SIL1: variants seen among roughly 807,000 people sequenced by gnomAD.
SIL1 encodes nucleotide exchange factor SIL1.
A neutral mutation model predicts 49.1 loss-of-function variants in SIL1; 40 were observed. The ratio of observed to expected loss-of-function variants is 0.81; its 90% CI spans 0.63 to 1.06. The LOEUF (loss-of-function observed/expected upper bound fraction) is 1.06, where lower values mean the gene tolerates loss of function less well. Ranked by LOEUF, SIL1 falls within the 50% of genes least tolerant of loss-of-function variation. The probability of loss-of-function intolerance (pLI) is 0.00; values close to 1 mark genes in which losing one functional copy is unlikely to be tolerated. For missense variants in SIL1, 500 were observed against 572.6 expected, an observed-to-expected ratio of 0.87 and a Z score of 1.29; for synonymous variants, 253 against 250.8, an observed-to-expected ratio of 1.01 and a Z score of -0.08.
chr5:138,996,475 GTC>G (rs989548702), intron 7 of SIL1, among the ~76,000 whole-genome samples: 7 of 142,582 alleles, frequency 4.9e-5, no homozygotes, highest in African/African-American at 1.0e-4. Flanking sequence ...TCTGTGGGTT[GTC>G]TCTCCACTTT....
At chr5:139,162,136 T>A (rs993681236) in intron 1 of SIL1, among the ~76,000 whole-genome samples, 1 of 152,146 alleles carries the variant, frequency 6.6e-6, no homozygotes, top group African/African-American at 2.4e-5. Context: ...ACAGTTACAC[T>A]GGCCAATATT....
chr5:139,016,670 G>C (rs17131906), intron 7 of SIL1, among the ~76,000 whole-genome samples: 9,298 of 152,174 alleles, frequency 0.061, 386 homozygotes, highest in South Asian at 0.13. Flanking sequence ...CCTAAGGAAA[G>C]TGGCAGCCAA....
At chr5:139,082,170 C>T (rs1049259168) in intron 3 of SIL1, among the ~76,000 whole-genome samples, 12 of 152,156 alleles carry the variant, frequency 7.9e-5, no homozygotes, top group Admixed American at 5.9e-4. Flanking sequence ...TAGTACAATT[C>T]GACAAATGTT....
At chr5:139,138,627 C>T (rs1319112773) in intron 1 of SIL1, among the ~76,000 whole-genome samples, 2 of 152,188 alleles carry the variant, frequency 1.3e-5, no homozygotes, top group Non-Finnish European at 2.9e-5. Flanking sequence ...CTACAAGTTT[C>T]AACCCCTTCA....
chr5:139,105,235 C>T (rs947192156), intron 3 of SIL1, among the ~76,000 whole-genome samples: 3 of 152,098 alleles, frequency 2.0e-5, no homozygotes, highest in South Asian at 2.1e-4. Flanking sequence ...AGGTGGTGGT[C>T]GGCAACTGGA....
chr5:139,095,358 G>T (rs1046526322), intron 3 of SIL1, among the ~76,000 whole-genome samples: 1 of 151,176 alleles, frequency 6.6e-6, no homozygotes, highest in Non-Finnish European at 1.5e-5. Flanking sequence ...CCACCTCCTG[G>T]GTTCAAACAA....
intron 5 of SIL1, among the ~76,000 whole-genome samples, chr5:139,030,202 C>A (rs192641066): frequency 6.6e-6 from 1 of 151,902 alleles, no homozygotes; most frequent in Non-Finnish European, 1.5e-5. Flanking sequence ...CAGTGGCTCA[C>A]GCCTGTAATC....
chr5:138,972,230 G>A (rs994182916), intron 7 of SIL1, among the ~76,000 whole-genome samples: 55 of 152,338 alleles, frequency 3.6e-4, no homozygotes, highest in Admixed American at 3.1e-3. Flanking sequence ...GCCGAAAGCA[G>A]TGGTGCTAGC....
At chr5:138,972,654 A>T (rs1767303903) in intron 7 of SIL1, among the ~76,000 whole-genome samples, 1 of 152,204 alleles carries the variant, frequency 6.6e-6, no homozygotes, top group African/African-American at 2.4e-5. Flanking sequence ...ACCCCACCCC[A>T]CAAACTGAGC....
chr5:139,050,951 A>G lies in SIL1; in HGVS notation c.340T>C (p.Leu114=). ...LQYEDKFRNN[L]KGKRLDINTN... ...TTGACACTGTACCTTTTGCCTTTCA[A>G]ATTATTTCGGAACTTGTCCTCATAT... Residue 114 remains leucine (L), a synonymous_variant, in exon 4 of 10, where the codon TTG becomes CTG. Transcript: ENST00000394817. The G allele has an allele frequency of 6.2e-7, 1 of 1,614,158 alleles. No homozygotes were observed. Among genetic ancestry groups the G allele is most frequent in the Non-Finnish European group, 8.5e-7 (1 of 1,179,972 alleles).
At chr5:138,990,917 T>C (rs1767742918) in intron 7 of SIL1, among the ~76,000 whole-genome samples, 1 of 152,262 alleles carries the variant, frequency 6.6e-6, no homozygotes. Flanking sequence ...GGTTTTGCCA[T>C]GTTGGCCAGG....
chr5:139,078,997 T>A (rs1294518326), intron 3 of SIL1, among the ~76,000 whole-genome samples: 2 of 152,250 alleles, frequency 1.3e-5, no homozygotes, highest in Non-Finnish European at 1.5e-5. Flanking sequence ...GTACTTGAAA[T>A]GTGACTAGTG....
At chr5:139,098,258 G>A (rs933578775) in intron 3 of SIL1, among the ~76,000 whole-genome samples, 3 of 152,134 alleles carry the variant, frequency 2.0e-5, no homozygotes, top group Non-Finnish European at 4.4e-5. Context: ...ATATGCCAAT[G>A]GAAAGAAGAG....
intron 1 of SIL1, among the ~76,000 whole-genome samples, chr5:139,144,879 A>C (rs1282435522): frequency 1.3e-5 from 2 of 152,196 alleles, no homozygotes; most frequent in Admixed American, 1.3e-4. Context: ...CTAAAAAAAA[A>C]AAGTTAAAAC....
chr5:139,026,197 A>G (rs1768646466), intron 6 of SIL1, among the ~76,000 whole-genome samples: 1 of 152,102 alleles, frequency 6.6e-6, no homozygotes. Flanking sequence ...TCAATTGTTC[A>G]TTATTCAATT....
chr5:138,976,780 G>T (rs7735775), intron 7 of SIL1, among the ~76,000 whole-genome samples: 2 of 151,818 alleles, frequency 1.3e-5, no homozygotes, highest in Non-Finnish European at 2.9e-5. Flanking sequence ...TTACTTTAAC[G>T]TTTGAAAAGC....
At chr5:138,968,589 T>C (rs1168314863) in intron 7 of SIL1, among the ~76,000 whole-genome samples, 2 of 152,168 alleles carry the variant, frequency 1.3e-5, no homozygotes, top group African/African-American at 4.8e-5. Flanking sequence ...GCCCCTGCTA[T>C]GCATTCCTGG....
intron 7 of SIL1, among the ~76,000 whole-genome samples, chr5:138,998,305 C>T (rs1767915660): frequency 6.6e-6 from 1 of 152,104 alleles, no homozygotes; most frequent in Admixed American, 6.6e-5. Context: ...GTAGCTGCGA[C>T]CACAGGCGCG....
At chr5:139,169,849 C>T (rs865956345) in intron 1 of SIL1, among the ~76,000 whole-genome samples, 3 of 150,206 alleles carry the variant, frequency 2.0e-5, no homozygotes, top group East Asian at 2.0e-4. Flanking sequence ...CCTCTCCCCA[C>T]GGTCTCCCTC....
Sources: gnomAD v4.1 joint callset for allele counts (sites outside exome capture counted in the v4.1 genomes callset) on GRCh38, gnomAD v4.1.1 for gene constraint, MANE v1.5 for transcripts, NCBI Gene and HGNC (gene_info 2026-07-23, HGNC 2026-07-21) for gene names.